CKAP2: variants seen among roughly 807,000 people sequenced by gnomAD.
The protein encoded by CKAP2 is cytoskeleton-associated protein 2.
A neutral mutation model predicts 58.4 loss-of-function variants in CKAP2; 46 were observed. The ratio of observed to expected loss-of-function variants is 0.79; its 90% CI spans 0.62 to 1.01. The LOEUF is 1.01. CKAP2 is among the 50% of genes least tolerant of loss of function. The pLI, the probability that CKAP2 is intolerant of heterozygous loss-of-function variation, is 0.00. For missense variants in CKAP2, 809 were observed against 796.4 expected, an observed-to-expected ratio of 1.02 and a Z score of -0.19; for synonymous variants, 293 against 280.9, an observed-to-expected ratio of 1.04 and a Z score of -0.43.
At position 52,474,878 on chromosome 13, in the gene CKAP2, A is replaced by G; in HGVS notation, c.1803-17A>G. 5.6e-6 allele frequency: 9 copies of G among 1,604,782 alleles called. 1 individual carries two copies. Among genetic ancestry groups the G allele is most frequent in the Non-Finnish European group, 7.7e-6 (9 of 1,174,116 alleles). On this transcript the variant is annotated splice_polypyrimidine_tract_variant and intron_variant, in intron 8 of 8. Transcript: ENST00000258607. ...TTAACATGTTTTTGAACTCTGGAAT[A>G]TTGTTTTAATTTTCAGTGTGAAAAA...
intron 2 of CKAP2, 48 bp downstream of exon 2, chr13:52,456,655 C>A: frequency 1.4e-6 from 2 of 1,408,484 alleles, no homozygotes; most frequent in African/African-American, 1.4e-5. Context: ...TGTATCAGAT[C>A]TGTCCAATGA....
At chr13:52,460,862 G>A in intron 2 of CKAP2, 37 bp from the exon 3 acceptor site, 1 of 1,583,438 alleles carries the variant, frequency 6.3e-7, no homozygotes, top group Middle Eastern at 1.7e-4. Context: ...CTTGGTACAG[G>A]ATTGATTGAT....
chr13:52,457,244 C>A (rs1048695341), intron 2 of CKAP2, among the ~76,000 whole-genome samples: 2 of 152,036 alleles, frequency 1.3e-5, no homozygotes, highest in African/African-American at 2.4e-5. Context: ...GAGAAAAAAA[C>A]AATTATAAAG....
chr13:52,465,501 T>G, intron 6 of CKAP2, 36 bp downstream of exon 6: 1 of 1,547,764 alleles, frequency 6.5e-7, no homozygotes, highest in Non-Finnish European at 8.9e-7. Context: ...ACAATTACAG[T>G]GTAGTAGACA....
In CKAP2 at chr13:52,455,704, C is replaced by T. The variant is rs905270502; in HGVS notation, c.70+78C>T. 55 of 1,364,924 alleles carry T rather than the reference C, an allele frequency of 4.0e-5. No individual in the cohort carries two copies. In the African/African-American group the frequency reaches 7.7e-4, roughly 19 times the overall value. 84.6% of individuals were successfully genotyped at this position (1,364,924 alleles called of 1,614,324 possible). A position where few individuals can be genotyped will look rare whatever the true frequency, so the allele number is the denominator to read the frequency against. Reference sequence around the variant, plus strand: ...CGGGCCCGGCGGTCGGGGCTCGGGGCCGCGCTGGCGCGCTTCACCTCTCCC... The same window carrying T: ...CGGGCCCGGCGGTCGGGGCTCGGGGTCGCGCTGGCGCGCTTCACCTCTCCC... On this transcript the variant is annotated intron_variant, in intron 1 of 8. Coordinates refer to ENST00000258607, the MANE Select transcript of CKAP2 (RefSeq NM_018204.5).
intron 7 of CKAP2, among the ~76,000 whole-genome samples, chr13:52,469,549 A>G (rs567632098): frequency 6.6e-6 from 1 of 151,730 alleles, no homozygotes; most frequent in Non-Finnish European, 1.5e-5. Flanking sequence ...TAAAATACAG[A>G]TTTTTTGGGA....
At position 52,471,989 on chromosome 13, in the gene CKAP2, T is replaced by C. The variant is rs114035389; in HGVS notation, c.1547-1840T>C. On this transcript the variant is annotated intron_variant, in intron 7 of 8. Coordinates refer to ENST00000258607, the MANE Select transcript of CKAP2 (RefSeq NM_018204.5). Reference sequence around the variant, plus strand: ...TTTCCCTCTCCCCTACATCCCTGAATTTCTCTTTCTTTTTTTCCATTTCCT... The same window carrying C: ...TTTCCCTCTCCCCTACATCCCTGAACTTCTCTTTCTTTTTTTCCATTTCCT... Among the ~76,000 whole-genome samples the C allele has an allele frequency of 7.4e-3, 1,128 of 152,246 alleles. 6 individuals are homozygous for C. Among genetic ancestry groups the C allele is most frequent in the African/African-American group, 0.017 (705 of 41,538 alleles).
Position 52,461,561 on chromosome 13 carries a change from A to AT in CKAP2, c.736dup (p.Ser246PhefsTer12). 6.2e-7 allele frequency: 1 copy of AT among 1,614,170 alleles called. No individual in the cohort carries two copies. The highest frequency in any genetic ancestry group is 8.5e-7 in the Non-Finnish European group (1 of 1,180,028). On this transcript the variant is annotated frameshift_variant, in exon 4 of 9. Transcript: ENST00000258607. LOFTEE classifies it high-confidence loss of function. ...CCACTACTAAATTTGTGAGCACTAC[A>AT]TCTCAGAACACACAACTTGTGCGAC...
At chr13:52,456,445 A>G (rs943351633) in intron 1 of CKAP2, 78 bp from the exon 2 acceptor site, 1 of 1,158,192 alleles carries the variant, frequency 8.6e-7, no homozygotes, top group Non-Finnish European at 1.3e-6. Flanking sequence ...TAAACTCTTC[A>G]TTTAGTCAAC....
At chr13:52,456,892 T>G (rs1958492509) in intron 2 of CKAP2, among the ~76,000 whole-genome samples, 1 of 151,826 alleles carries the variant, frequency 6.6e-6, no homozygotes, top group Admixed American at 6.6e-5. Flanking sequence ...GATCATCGTT[T>G]TATTAATTTT....
At chr13:52,464,031 G>T (rs574984825) in intron 5 of CKAP2, among the ~76,000 whole-genome samples, 2 of 152,094 alleles carry the variant, frequency 1.3e-5, no homozygotes, top group East Asian at 1.9e-4. Flanking sequence ...GGATAATTGG[G>T]TTTTTTTACT....
At chr13:52,468,601 A>G (rs1958716878) in intron 7 of CKAP2, among the ~76,000 whole-genome samples, 1 of 152,020 alleles carries the variant, frequency 6.6e-6, no homozygotes, top group Non-Finnish European at 1.5e-5. Context: ...TTAGCTGTCC[A>G]TGTGTTCTCA....
chr13:52,461,103 A>G lies in CKAP2; in HGVS notation c.277A>G (p.Thr93Ala). 6.2e-7 allele frequency: 1 copy of G among 1,606,192 alleles called. No homozygotes were observed. The highest frequency in any genetic ancestry group is 8.5e-7 in the Non-Finnish European group (1 of 1,177,762). Residue 93 changes from threonine to alanine, a missense_variant, in exon 4 of 9, where the codon ACA becomes GCA. By Grantham distance (58) the Thr-to-Ala change is moderately conservative (BLOSUM62 0). Transcript: ENST00000258607. ...MKRPAESKNN[T>A]VVGKHCIPLK... ...GAGACCTGCAGAGAGCAAAAATAAT[A>G]CAGTGGTGGGGAAACATTGTATTCC...
Position 52,458,186 on chromosome 13 carries a change from G to A in CKAP2, c.155+1579G>A, listed in dbSNP as rs528267152. The stretch of plus-strand genomic sequence containing the variant: ...TTTTATTTGAATAAGTAAATGAATG[G>A]TGATAACCGTATACTGAAATAGGAA... On this transcript the variant is annotated intron_variant, in intron 2 of 8. Coordinates refer to ENST00000258607, the MANE Select transcript of CKAP2 (RefSeq NM_018204.5). 1.1e-4 allele frequency among the ~76,000 whole-genome samples: 17 copies of A among 152,220 alleles called. No homozygotes were observed. The South Asian group carries it at 3.1e-3, about 28-fold the overall frequency.
At chr13:52,464,553 CA>C (rs66481844) in intron 5 of CKAP2, among the ~76,000 whole-genome samples, 37,119 of 80,168 alleles carry the variant, frequency 0.46, 4,411 homozygotes, top group Middle Eastern at 0.58. Context: ...AACTCCGTCT[CA>C]AAAAAAAAAA....
intron 2 of CKAP2, among the ~76,000 whole-genome samples, chr13:52,457,136 C>A (rs1958499211): frequency 6.6e-6 from 1 of 152,102 alleles, no homozygotes; most frequent in African/African-American, 2.4e-5. Context: ...ACCTTGAGAT[C>A]CGCCCACCTC....
intron 6 of CKAP2, among the ~76,000 whole-genome samples, chr13:52,467,236 G>A (rs995636768): frequency 2.0e-5 from 3 of 152,114 alleles, no homozygotes; most frequent in African/African-American, 7.2e-5. Context: ...CATAGCAAAT[G>A]CTTAGGTAAA....
intron 7 of CKAP2, among the ~76,000 whole-genome samples, chr13:52,469,099 G>A (rs952334050): frequency 6.6e-6 from 1 of 152,058 alleles, no homozygotes; most frequent in African/African-American, 2.4e-5. Context: ...ATTTCATTGT[G>A]AATTGTAGTT....
In CKAP2 at chr13:52,468,294, GAC is replaced by G. The variant is rs1566103467; in HGVS notation, c.1498_1499del (p.Thr500AspfsTer14). The G allele has an allele frequency of 6.3e-6, 10 of 1,595,846 alleles. No homozygotes were observed. Among genetic ancestry groups the G allele is most frequent in the East Asian group, 2.2e-5 (1 of 44,466 alleles). On this transcript the variant is annotated frameshift_variant, in exon 7 of 9. Transcript: ENST00000258607. LOFTEE classifies it high-confidence loss of function. ...AAAATTAAGCCTATTGAAGAGATGCGACACACGATTGTAGATATTCTAACAAT... is the reference window on the plus strand; with the variant it reads ...AAAATTAAGCCTATTGAAGAGATGCGACACGATTGTAGATATTCTAACAAT...
Sources: gnomAD v4.1 joint callset for allele counts (sites outside exome capture counted in the v4.1 genomes callset) on GRCh38, gnomAD v4.1.1 for gene constraint, MANE v1.5 for transcripts, NCBI Gene and HGNC (gene_info 2026-07-23, HGNC 2026-07-21) for gene names.